SUGP1: variants seen among roughly 807,000 people sequenced by gnomAD.
The protein encoded by SUGP1 is SURP and G-patch domain-containing protein 1.
A neutral mutation model predicts 76.5 loss-of-function variants in SUGP1; 34 were observed. The ratio of observed to expected loss-of-function variants is 0.44; its 90% CI spans 0.34 to 0.59. The LOEUF is 0.59. SUGP1 is among the 20% of genes least tolerant of loss of function. The pLI, the probability that SUGP1 is intolerant of heterozygous loss-of-function variation, is 0.01. For missense variants in SUGP1, 752 were observed against 851.7 expected (o/e 0.88, Z 1.46); for synonymous variants, 326 against 326.2 (o/e 1.00, Z 0.01).
chr19:19,305,464 G>A (rs555987799), intron 4 of SUGP1, among the ~76,000 whole-genome samples: 1 of 152,324 alleles, frequency 6.6e-6, no homozygotes, highest in Middle Eastern at 3.4e-3. Flanking sequence ...ATGGTGAGGG[G>A]CAGTGCTTTG....
intron 2 of SUGP1, among the ~76,000 whole-genome samples, chr19:19,312,999 AT>A (rs2061363446): frequency 1.3e-5 from 2 of 151,692 alleles, no homozygotes; most frequent in African/African-American, 4.8e-5. Flanking sequence ...CAAAAAAAAA[AT>A]AAATAAATAA....
intron 8 of SUGP1, 119 bp downstream of exon 8, chr19:19,296,870 G>T: frequency 1.1e-6 from 1 of 887,814 alleles, no homozygotes; most frequent in Non-Finnish European, 1.6e-6. Context: ...TGGAAGATAT[G>T]GCCACAGAAG....
intron 8 of SUGP1, among the ~76,000 whole-genome samples, chr19:19,290,671 A>C (rs941351377): frequency 6.6e-6 from 1 of 151,810 alleles, no homozygotes; most frequent in Non-Finnish European, 1.5e-5. Context: ...AACAAAAAAA[A>C]CTCTTTGCTA....
chr19:19,284,260 A>T (rs1156720657), intron 8 of SUGP1, among the ~76,000 whole-genome samples: 1 of 152,114 alleles, frequency 6.6e-6, no homozygotes, highest in Non-Finnish European at 1.5e-5. Flanking sequence ...GTGCCATTGC[A>T]CTCCAACCTG....
At position 19,297,083 on chromosome 19, in the gene SUGP1, C is replaced by T. The variant is rs747630971; in HGVS notation, c.1149G>A (p.Arg383=). 28 of 1,613,778 alleles carry T rather than the reference C, an allele frequency of 1.7e-5. No homozygotes were observed. Among genetic ancestry groups the T allele is most frequent in the Non-Finnish European group, 2.3e-5 (27 of 1,180,014 alleles). ...PASAATVKRK[R]KSRWGPEEDK... is the part of the protein sequence containing the mutation. ...CCTCTTCAGGCCCCCACCGGCTCTT[C>T]CGCTTCCTCTTCACGGTGGCTGCGG... The change falls in exon 8 of 14, where the codon CGG becomes CGA. Residue 383 remains arginine (R), a synonymous_variant. Transcript: ENST00000247001.
At chr19:19,306,161 C>G in intron 3 of SUGP1, 85 bp from the exon 4 acceptor site, 1 of 1,326,166 alleles carries the variant, frequency 7.5e-7, no homozygotes, top group Non-Finnish European at 1.0e-6. Flanking sequence ...CTGTGGGCCC[C>G]GGGGGAGCTG....
intron 7 of SUGP1, among the ~76,000 whole-genome samples, chr19:19,298,190 GC>G (rs2061244017): frequency 6.8e-6 from 1 of 147,492 alleles, no homozygotes; most frequent in African/African-American, 2.6e-5. Context: ...GGTCAAGGAT[GC>G]TGTGAAGTCC....
chr19:19,293,593 CAAG>C (rs1432336131), intron 8 of SUGP1, among the ~76,000 whole-genome samples: 3 of 151,120 alleles, frequency 2.0e-5, no homozygotes, highest in East Asian at 2.0e-4. Flanking sequence ...AAAAAAAGAA[CAAG>C]AAGAAGTGAA....
Position 19,276,289 on chromosome 19 carries a change from G to A in SUGP1, c.*359C>T, listed in dbSNP as rs2061048926. On this transcript the variant is annotated 3_prime_UTR_variant, in exon 14 of 14. Transcript: ENST00000247001. ...TGGTCTTAAACTCCTGACCTCCAGT[G>A]ATCCGCCCGCCTTGGCCTCTCAAAG... 1 of 229,512 alleles carries A rather than the reference G, an allele frequency of 4.4e-6. No individual in the cohort carries two copies. 14.2% of individuals were successfully genotyped at this position (229,512 alleles called of 1,614,324 possible).
chr19:19,302,632 A>G (rs1484396618), intron 6 of SUGP1, among the ~76,000 whole-genome samples: 3 of 149,830 alleles, frequency 2.0e-5, no homozygotes, highest in African/African-American at 4.9e-5. Context: ...ATGAGCCAGG[A>G]CAAAGGATCC....
Position 19,296,635 on chromosome 19 carries a change from A to G in SUGP1, c.1243+354T>C, listed in dbSNP as rs2061227840. ...GCACTCCAGCCTGGGCAACAGAGCGAGACTCTGTCTCAAAAAAAAAAAGAA... is the reference window on the plus strand; with the variant it reads ...GCACTCCAGCCTGGGCAACAGAGCGGGACTCTGTCTCAAAAAAAAAAAGAA... On this transcript the variant is annotated intron_variant, in intron 8 of 13. Coordinates refer to ENST00000247001, the MANE Select transcript of SUGP1 (RefSeq NM_172231.4). Among the ~76,000 whole-genome samples the G allele has an allele frequency of 3.3e-5, 5 of 151,640 alleles. No homozygotes were observed. The South Asian group carries it at 8.4e-4, about 25-fold the overall frequency.
Position 19,283,697 on chromosome 19 carries a change from G to A in SUGP1, c.1244-3406C>T, listed in dbSNP as rs144301951. On this transcript the variant is annotated intron_variant, in intron 8 of 13. Coordinates refer to ENST00000247001, the MANE Select transcript of SUGP1 (RefSeq NM_172231.4). ...CTCAAACTCCTGACTTCATTGATCC[G>A]CCCGCCTCGGCCTCCCAAAGTGTTG... Among the ~76,000 whole-genome samples, 594 of 152,156 alleles carry A rather than the reference G, an allele frequency of 3.9e-3. 3 individuals are homozygous for A. Among genetic ancestry groups the A allele is most frequent in the African/African-American group, 0.014 (563 of 41,544 alleles).
At chr19:19,306,427 C>A (rs894991766) in intron 3 of SUGP1, among the ~76,000 whole-genome samples, 1 of 152,206 alleles carries the variant, frequency 6.6e-6, no homozygotes, top group Admixed American at 6.5e-5. Flanking sequence ...TACAACCATT[C>A]CCTTGGAGGT....
intron 8 of SUGP1, among the ~76,000 whole-genome samples, chr19:19,289,486 GC>G (rs2061165556): frequency 6.6e-6 from 1 of 151,936 alleles, no homozygotes; most frequent in Non-Finnish European, 1.5e-5. Context: ...GGTGGCTCAC[GC>G]CTGTAATCCT....
In SUGP1 at chr19:19,303,711, C is replaced by T. The variant is rs368115480; in HGVS notation, c.662+13G>A. ...TTCAACAGCACAGCCTTCCCTTCCC[C>T]GGAGATACTCACGCAAATGCTGGGT... On this transcript the variant is annotated intron_variant, in intron 5 of 13. Coordinates refer to ENST00000247001, the MANE Select transcript of SUGP1 (RefSeq NM_172231.4). 9.6e-5 allele frequency: 155 copies of T among 1,614,022 alleles called. No homozygotes were observed. Among genetic ancestry groups the T allele is most frequent in the Non-Finnish European group, 1.2e-4 (143 of 1,180,018 alleles).
chr19:19,284,655 T>C (rs116936119), intron 8 of SUGP1, among the ~76,000 whole-genome samples: 6 of 152,302 alleles, frequency 3.9e-5, no homozygotes, highest in East Asian at 3.9e-4. Flanking sequence ...AAAGTCACTA[T>C]ATGACAATTT....
At chr19:19,295,271 C>A (rs919948129) in intron 8 of SUGP1, among the ~76,000 whole-genome samples, 2 of 151,836 alleles carry the variant, frequency 1.3e-5, no homozygotes, top group East Asian at 1.9e-4. Context: ...TGCCTGTAGT[C>A]CCAGATACTC....
chr19:19,279,457 C>T (rs1273355555), intron 9 of SUGP1, 67 bp from the exon 10 acceptor site: 19 of 1,481,228 alleles, frequency 1.3e-5, no homozygotes, highest in Non-Finnish European at 1.7e-5. Flanking sequence ...CGCTCCTGCT[C>T]CCCGCCTCCA....
chr19:19,282,065 C>T (rs968244759), intron 8 of SUGP1, among the ~76,000 whole-genome samples: 11 of 152,232 alleles, frequency 7.2e-5, no homozygotes, highest in Admixed American at 3.3e-4. Flanking sequence ...CTGCAACCTC[C>T]GCCTCCCAGG....
Sources: allele counts gnomAD v4.1 joint callset (sites outside exome capture counted in the v4.1 genomes callset), GRCh38; gene constraint gnomAD v4.1.1; transcripts MANE v1.5; gene names NCBI Gene and HGNC (gene_info 2026-07-23, HGNC 2026-07-21).